GNAL: variants seen among roughly 807,000 people sequenced by gnomAD.
GNAL encodes G protein subunit alpha L.
Under a neutral mutation model 55.1 loss-of-function variants are expected in GNAL, and 18 were observed. The observed-to-expected ratio is 0.33, with a 90% CI of 0.23 to 0.48. The LOEUF is 0.48. Among genes scored for constraint, GNAL ranks in the 20% least tolerant of loss-of-function variants. The probability of loss-of-function intolerance (pLI) is 0.99; values close to 1 mark genes in which losing one functional copy is unlikely to be tolerated. For synonymous variants in GNAL, 253 were observed against 237.0 expected (o/e 1.07, Z -0.62); for missense variants, 412 against 614.1 (o/e 0.67, Z 3.48).
intron 4 of GNAL, among the ~76,000 whole-genome samples, chr18:11,776,180 CTT>C (rs1188091086): frequency 6.6e-6 from 1 of 152,154 alleles, no homozygotes; most frequent in Non-Finnish European, 1.5e-5. Flanking sequence ...GCCACTTTCT[CTT>C]TTTTAATTCA....
At chr18:11,717,049 G>A (rs1461708827) in intron 1 of GNAL, among the ~76,000 whole-genome samples, 1 of 152,248 alleles carries the variant, frequency 6.6e-6, no homozygotes, top group Non-Finnish European at 1.5e-5. Context: ...GAGGGTGGGG[G>A]AGGCTCACGC....
At position 11,752,227 on chromosome 18, in the gene GNAL, C is replaced by T; in HGVS notation, c.377-626C>T. On this transcript the variant is annotated intron_variant, in intron 1 of 11. Transcript: ENST00000334049. The surrounding 1 kb of genome is among the most constrained non-coding windows in gnomAD (Gnocchi z 4.5). ...AAGGCATTTTACTCCGCGCGTCTTC[C>T]TTACAGCCATTTAGTTGGGAGTTTG... 9.7e-7 allele frequency: 1 copy of T among 1,033,912 alleles called. No homozygotes were observed. Among genetic ancestry groups the T allele is most frequent in the East Asian group, 3.3e-5 (1 of 30,570 alleles). 64.0% of individuals were successfully genotyped at this position (1,033,912 alleles called of 1,614,324 possible).
intron 4 of GNAL, among the ~76,000 whole-genome samples, chr18:11,805,755 A>C (rs768099648): frequency 1.3e-5 from 2 of 152,192 alleles, no homozygotes; most frequent in Non-Finnish European, 2.9e-5. Flanking sequence ...TCCATGGGTG[A>C]GCACTTTGGT....
At chr18:11,742,982 G>A (rs1182941600) in intron 1 of GNAL, among the ~76,000 whole-genome samples, 2 of 152,226 alleles carry the variant, frequency 1.3e-5, no homozygotes, top group African/African-American at 4.8e-5. Flanking sequence ...ACAGCCTGTA[G>A]GTAGCAATAT....
intron 4 of GNAL, among the ~76,000 whole-genome samples, chr18:11,761,610 G>A (rs992782830): frequency 2.0e-5 from 3 of 152,152 alleles, no homozygotes; most frequent in Admixed American, 6.5e-5. Flanking sequence ...AGGGTGCCTG[G>A]AACTCCCCTG....
chr18:11,746,285 A>G, intron 1 of GNAL: 1 of 364,068 alleles, frequency 2.7e-6, no homozygotes, highest in East Asian at 6.8e-5. Flanking sequence ...TTTGAAGAGC[A>G]AGCTTTGGTT....
chr18:11,752,862 A>T lies in GNAL; in HGVS notation c.386A>T (p.Glu129Val), dbSNP rs1277310603. 1 of 1,606,022 alleles carries T rather than the reference A, an allele frequency of 6.2e-7. No individual in the cohort carries two copies. Among genetic ancestry groups the T allele is most frequent in the Non-Finnish European group, 8.5e-7 (1 of 1,172,698 alleles). The change falls in exon 2 of 12, where the codon GAG becomes GTG. Residue 129 changes from glutamate (E) to valine (V), a missense_variant. By Grantham distance (121) the Glu-to-Val change is moderately radical. Coordinates refer to ENST00000334049, the MANE Select transcript of GNAL (RefSeq NM_182978.4). This position sits in a 1 kb window ranked among gnomAD's most constrained non-coding sequence, Gnocchi z 4.5. The part of the protein sequence containing the change: ...THRLLLLGAG[E>V]SGKSTIVKQM... The stretch of plus-strand genomic sequence containing the variant: ...TTCTGTTTGTTTGCAGGGGCTGGTG[A>T]GTCTGGGAAAAGCACTATCGTCAAA...
chr18:11,838,395 G>C (rs1598418507), intron 5 of GNAL, among the ~76,000 whole-genome samples: 1 of 152,314 alleles, frequency 6.6e-6, no homozygotes. Context: ...CATGGAGCCA[G>C]GTGGACTTGG....
At chr18:11,819,706 T>C (rs1444375134) in intron 4 of GNAL, among the ~76,000 whole-genome samples, 3 of 152,042 alleles carry the variant, frequency 2.0e-5, no homozygotes, top group Non-Finnish European at 2.9e-5. Flanking sequence ...TTCAGACACA[T>C]ACACACAAAA....
At chr18:11,743,267 G>A (rs558871757) in intron 1 of GNAL, among the ~76,000 whole-genome samples, 6 of 150,870 alleles carry the variant, frequency 4.0e-5, no homozygotes, top group East Asian at 3.9e-4. Context: ...GGATTAACAC[G>A]TGGATGTCAC....
chr18:11,810,937 C>G (rs925474393), intron 4 of GNAL: 3 of 152,438 alleles, frequency 2.0e-5, no homozygotes, highest in African/African-American at 7.2e-5. Flanking sequence ...CCCCACACCC[C>G]GCCGTGCTTA....
At chr18:11,705,704 A>G (rs918435253) in intron 1 of GNAL, among the ~76,000 whole-genome samples, 6 of 146,872 alleles carry the variant, frequency 4.1e-5, no homozygotes, top group African/African-American at 1.5e-4. Flanking sequence ...TTTCCTCATG[A>G]TTAATAACAT....
In GNAL at chr18:11,752,334, G is replaced by A. The variant is rs1018433903; in HGVS notation, c.377-519G>A. The A allele has an allele frequency of 3.0e-5, 45 of 1,487,152 alleles. No homozygotes were observed. Among genetic ancestry groups the A allele is most frequent in the Non-Finnish European group, 3.9e-5 (44 of 1,123,374 alleles). 92.1% of individuals were successfully genotyped at this position (1,487,152 alleles called of 1,614,324 possible). ...GACCAGACCATCTCTTTCAGCAGCA[G>A]GAAAGAGAGGAGCCGTCGCAGGAGC... On this transcript the variant is annotated intron_variant, in intron 1 of 11. Coordinates refer to ENST00000334049, the MANE Select transcript of GNAL (RefSeq NM_182978.4). The surrounding 1 kb of genome is among the most constrained non-coding windows in gnomAD (Gnocchi z 4.5).
chr18:11,867,976 T>A (rs1385297195), intron 8 of GNAL, among the ~76,000 whole-genome samples: 3 of 151,334 alleles, frequency 2.0e-5, no homozygotes, highest in African/African-American at 7.3e-5. Context: ...AATGCAAAAA[T>A]TAGCCGGGTG....
chr18:11,851,069 T>C (rs2035846708), intron 5 of GNAL, among the ~76,000 whole-genome samples: 1 of 152,248 alleles, frequency 6.6e-6, no homozygotes, highest in African/African-American at 2.4e-5. Context: ...TCACCCTTTA[T>C]AAAGCCTGCC....
intron 4 of GNAL, among the ~76,000 whole-genome samples, chr18:11,803,935 A>G (rs12957367): frequency 0.44 from 46,275 of 104,684 alleles, 8,924 homozygotes; most frequent in African/African-American, 0.63. Context: ...CGGAGATACT[A>G]TGTAGTGGTG....
At chr18:11,720,899 A>G (rs959575888) in intron 1 of GNAL, among the ~76,000 whole-genome samples, 1 of 152,234 alleles carries the variant, frequency 6.6e-6, no homozygotes, top group African/African-American at 2.4e-5. Flanking sequence ...AGCAACATTA[A>G]TGTCCCTAAA....
intron 4 of GNAL, among the ~76,000 whole-genome samples, chr18:11,770,743 G>A (rs1403599589): frequency 1.3e-5 from 2 of 151,870 alleles, no homozygotes; most frequent in Non-Finnish European, 2.9e-5. Context: ...CTAAATTTTA[G>A]ATATTATGTA....
At chr18:11,753,142 A>G (rs1413528707) in intron 2 of GNAL, among the ~76,000 whole-genome samples, 1 of 152,116 alleles carries the variant, frequency 6.6e-6, no homozygotes, top group Non-Finnish European at 1.5e-5. Flanking sequence ...ACAAAATATG[A>G]TTTATAGGTA....
Sources: allele counts gnomAD v4.1 joint callset (sites outside exome capture counted in the v4.1 genomes callset), GRCh38; gene constraint gnomAD v4.1.1; non-coding constraint Gnocchi (gnomAD v3.1); transcripts MANE v1.5; gene names NCBI Gene and HGNC (gene_info 2026-07-23, HGNC 2026-07-21).